TPO: variants seen among roughly 807,000 people sequenced by gnomAD.
TPO encodes thyroid peroxidase, also known as thyroid microsomal antigen.
TPO carries 78 observed loss-of-function variants against 96.9 expected under a neutral mutation model. The observed-to-expected ratio is 0.81, with a 90% CI of 0.67 to 0.97. The LOEUF (loss-of-function observed/expected upper bound fraction) is 0.97. Among genes scored for constraint, TPO ranks in the 50% least tolerant of loss-of-function variants. The probability of loss-of-function intolerance (pLI) is 0.00; values close to 1 mark genes in which losing one functional copy is unlikely to be tolerated. For synonymous variants in TPO, 547 were observed against 538.0 expected (o/e 1.02, Z -0.23); for missense variants, 1,252 against 1,274.8 (o/e 0.98, Z 0.27).
chr2:1,420,589 G>C (rs368157238), intron 2 of TPO, among the ~76,000 whole-genome samples: 86 of 152,300 alleles, frequency 5.6e-4, no homozygotes, highest in Middle Eastern at 3.4e-3. Flanking sequence ...CATGGAGATT[G>C]GTCTTGGGCA....
intron 10 of TPO, among the ~76,000 whole-genome samples, chr2:1,493,351 T>A (rs1002884464): frequency 6.6e-6 from 1 of 152,262 alleles, no homozygotes; most frequent in Non-Finnish European, 1.5e-5. Flanking sequence ...TGCACTTAGA[T>A]GTCACGGACT....
chr2:1,536,861 A>G (rs10181396), intron 15 of TPO, among the ~76,000 whole-genome samples: 12,778 of 102,186 alleles, frequency 0.13, 955 homozygotes, highest in Non-Finnish European at 0.14. Context: ...ACTGTGTTCA[A>G]CCTCCCCGAA....
At chr2:1,486,229 G>C (rs1289994120) in intron 9 of TPO, among the ~76,000 whole-genome samples, 3 of 152,104 alleles carry the variant, frequency 2.0e-5, no homozygotes, top group Non-Finnish European at 4.4e-5. Flanking sequence ...CATTTTAAAA[G>C]GCTAAACTGG....
At chr2:1,480,460 C>T (rs1265768783) in intron 8 of TPO, among the ~76,000 whole-genome samples, 1 of 151,948 alleles carries the variant, frequency 6.6e-6, no homozygotes, top group Non-Finnish European at 1.5e-5. Context: ...TAATCTGAAT[C>T]TCTCTTCTTC....
At chr2:1,454,687 C>T (rs1010938233) in intron 6 of TPO, among the ~76,000 whole-genome samples, 1 of 152,134 alleles carries the variant, frequency 6.6e-6, no homozygotes, top group African/African-American at 2.4e-5. Context: ...TTGGACAATC[C>T]CTAAAATGGG....
intron 2 of TPO, among the ~76,000 whole-genome samples, chr2:1,419,970 T>A (rs28909999): frequency 0.052 from 7,861 of 152,276 alleles, 260 homozygotes; most frequent in South Asian, 0.15. Context: ...TCATCTCTAT[T>A]CAGCCAAGAA....
At chr2:1,542,136 T>C (rs1680832438) in intron 16 of TPO, 2 of 553,114 alleles carry the variant, frequency 3.6e-6, no homozygotes, top group Admixed American at 6.2e-5. Flanking sequence ...ACCTGTGTGC[T>C]CAGCACGGCT....
chr2:1,422,397 C>CAGGCGCCTCTCCTGGACCGACCTCGTG (rs1467468825), intron 2 of TPO, among the ~76,000 whole-genome samples: 12 of 54,828 alleles, frequency 2.2e-4, no homozygotes, highest in South Asian at 7.2e-4. Flanking sequence ...CCGCGCTGGG[C>CAGGCGCCTCTCCTGGACCGACCTCGTG]CATGGGGAGA....
chr2:1,478,214 C>G, intron 8 of TPO: 2 of 985,388 alleles, frequency 2.0e-6, no homozygotes, highest in Non-Finnish European at 2.4e-6. Context: ...GTCAAGTTGG[C>G]CTTTTATTAA....
chr2:1,445,396 A>G (rs986555074), intron 5 of TPO, among the ~76,000 whole-genome samples: 4 of 84,060 alleles, frequency 4.8e-5, no homozygotes, highest in Non-Finnish European at 7.1e-5. Flanking sequence ...TGTATGATCC[A>G]GTCATTGCTG....
intron 13 of TPO, 33 bp downstream of exon 13, chr2:1,496,798 A>T: frequency 6.2e-7 from 1 of 1,613,940 alleles, no homozygotes; most frequent in Non-Finnish European, 8.5e-7. Context: ...ATTACAAAAC[A>T]TCTGAATGTT....
chr2:1,514,410 T>C (rs1382208191), intron 14 of TPO, among the ~76,000 whole-genome samples: 2 of 152,226 alleles, frequency 1.3e-5, no homozygotes, highest in African/African-American at 2.4e-5. Flanking sequence ...ATCCCAGTCA[T>C]GTTATTCTGA....
intron 15 of TPO, 132 bp downstream of exon 15, chr2:1,517,114 A>G: frequency 1.1e-6 from 1 of 903,228 alleles, no homozygotes; most frequent in Non-Finnish European, 1.8e-6. Flanking sequence ...CATTGATCTC[A>G]GAGCTATTTT....
At position 1,436,255 on chromosome 2, in the gene TPO, C is replaced by G. The variant is rs755626297; in HGVS notation, c.353C>G (p.Ala118Gly). Residue 118 changes from alanine to glycine, a missense_variant, in exon 5 of 17, where the codon GCT becomes GGT. Transcript: ENST00000329066. ...CATGGTTTCCTATTTTTCACAGATG[C>G]TTTATCAGAAGATCTGCTGAGCATC... ...KTQQSQHPTD[A>G]LSEDLLSIIA... The G allele has an allele frequency of 1.9e-6, 3 of 1,614,178 alleles. No homozygotes were observed. Among genetic ancestry groups the G allele is most frequent in the Admixed American group, 3.3e-5 (2 of 60,010 alleles).
chr2:1,446,985 GGTGTGT>G (rs895441808), intron 5 of TPO, among the ~76,000 whole-genome samples: 2 of 151,468 alleles, frequency 1.3e-5, no homozygotes, highest in Admixed American at 6.6e-5. Flanking sequence ...AACCATGAGG[GGTGTGT>G]GTGTGTGTAT....
intron 1 of TPO, among the ~76,000 whole-genome samples, chr2:1,397,281 C>A (rs960466466): frequency 2.5e-4 from 38 of 152,186 alleles, no homozygotes; most frequent in Non-Finnish European, 4.9e-4. Context: ...GCTTCCCAAC[C>A]AAGTTATCCC....
At chr2:1,393,080 G>T (rs575535949) in intron 1 of TPO, among the ~76,000 whole-genome samples, 1 of 152,272 alleles carries the variant, frequency 6.6e-6, no homozygotes, top group African/African-American at 2.4e-5. Context: ...GAAGAAAAAG[G>T]GTTTCACTGA....
At chr2:1,483,103 TGAG>T (rs1402116058) in intron 8 of TPO, among the ~76,000 whole-genome samples, 1 of 152,154 alleles carries the variant, frequency 6.6e-6, no homozygotes, top group East Asian at 1.9e-4. Flanking sequence ...TCAGATCAGA[TGAG>T]GAGGCAGTGG....
intron 15 of TPO, among the ~76,000 whole-genome samples, chr2:1,533,979 C>T (rs1678929593): frequency 9.6e-6 from 1 of 104,024 alleles, no homozygotes; most frequent in Non-Finnish European, 2.0e-5. Flanking sequence ...TGTGCAACCT[C>T]CCCAAATCCC....
Sources: allele counts gnomAD v4.1 joint callset (sites outside exome capture counted in the v4.1 genomes callset), GRCh38; gene constraint gnomAD v4.1.1; transcripts MANE v1.5; gene names NCBI Gene and HGNC (gene_info 2026-07-23, HGNC 2026-07-21).